Variants in HECW1 observed in about 807,000 individuals in gnomAD.
HECW1 encodes the protein E3 ubiquitin-protein ligase HECW1.
In HECW1, 61 loss-of-function variants were observed where a neutral mutation model predicts 182.3. The ratio of observed to expected loss-of-function variants is 0.33; its 90% CI spans 0.27 to 0.41. The LOEUF is 0.41. Ranked by LOEUF, HECW1 falls within the 10% of genes least tolerant of loss-of-function variation. HECW1 has a pLI of 1.00. For missense variants in HECW1, 1,739 were observed against 2,108.9 expected (o/e 0.82, Z 3.44); for synonymous variants, 859 against 832.6 (o/e 1.03, Z -0.55).
At position 43,456,323 on chromosome 7, in the gene HECW1, G is replaced by A. The variant is rs771575386; in HGVS notation, c.2527G>A (p.Gly843Arg). The change falls in exon 13 of 30, where the codon GGG (glycine) becomes AGG (arginine). Residue 843 changes from glycine (G) to arginine (R), a missense_variant. By Grantham distance (125) the Gly-to-Arg change is moderately radical (BLOSUM62 -2). Transcript: ENST00000395891. ...PNWEARIDSH[G>R]RVFYVDHVNR... is the part of the protein sequence containing the mutation. ...CTGGGAAGCTCGAATTGACAGCCAC[G>A]GGCGGGTCTTTTATGTGGACCACGT... 2.5e-5 allele frequency: 41 copies of A among 1,613,062 alleles called. No individual in the cohort carries two copies. Among genetic ancestry groups the A allele is most frequent in the Admixed American group, 1.7e-4 (10 of 59,910 alleles).
At position 43,563,186 on chromosome 7, in the gene HECW1, G is replaced by A. The variant is rs954684019; in HGVS notation, c.*1260G>A. ...GGGGCAGAAACATAACACCCCAAAG[G>A]CACGTTGATTTGTATCAAAATAAAT... On this transcript the variant is annotated 3_prime_UTR_variant, in exon 30 of 30. Coordinates refer to ENST00000395891, the MANE Select transcript of HECW1 (RefSeq NM_015052.5). 4 of 203,350 alleles carry A rather than the reference G, an allele frequency of 2.0e-5. No homozygotes were observed. The highest frequency in any genetic ancestry group is 3.0e-5 in the Non-Finnish European group (3 of 98,864). 12.6% of individuals were successfully genotyped at this position (203,350 alleles called of 1,614,324 possible). A position where few individuals can be genotyped will look rare whatever the true frequency, so the allele number is the denominator to read the frequency against.
Position 43,444,528 on chromosome 7 carries a change from C to A in HECW1, c.1356C>A (p.Ala452=), listed in dbSNP as rs572745455. The A allele has an allele frequency of 5.6e-6, 9 of 1,611,448 alleles. No individual in the cohort carries two copies. The East Asian group carries it at 1.1e-4, about 20-fold the overall frequency. ...LAQVQKDIQP[A]PSAEELAEQL... is the part of the protein sequence containing the mutation. The stretch of plus-strand genomic sequence containing the variant: ...AGGTGCAAAAGGACATCCAGCCTGC[C>A]CCCAGTGCAGAAGAGCTGGCCGAGC... The change falls in exon 11 of 30, where the codon GCC becomes GCA. Residue 452 remains alanine, a synonymous_variant. Transcript: ENST00000395891. This position sits in a 1 kb window ranked among gnomAD's most constrained non-coding sequence, Gnocchi z 4.3.
chr7:43,511,895 T>TGGGTGCTGTG, intron 24 of HECW1: 1 of 186,194 alleles, frequency 5.4e-6, no homozygotes, highest in Non-Finnish European at 1.1e-5. Flanking sequence ...TGGCAGTGTG[T>TGGGTGCTGTG]GGGTGCTGTG....
intron 3 of HECW1, among the ~76,000 whole-genome samples, chr7:43,307,460 A>G (rs554893346): frequency 8.5e-5 from 13 of 152,284 alleles, no homozygotes; most frequent in African/African-American, 2.2e-4. Context: ...GGAAAGAGAA[A>G]GGAGGTCTCC....
intron 2 of HECW1, among the ~76,000 whole-genome samples, chr7:43,156,084 T>C (rs1789850977): frequency 6.6e-6 from 1 of 152,206 alleles, no homozygotes; most frequent in African/African-American, 2.4e-5. Context: ...ATTCTACCAA[T>C]TCTAAACTGT....
intron 2 of HECW1, among the ~76,000 whole-genome samples, chr7:43,226,473 T>A (rs1365985048): frequency 6.6e-6 from 1 of 152,188 alleles, no homozygotes; most frequent in African/African-American, 2.4e-5. Context: ...TACTAATAAT[T>A]CACTGTCTAA....
At chr7:43,268,805 T>C (rs1802067084) in intron 3 of HECW1, among the ~76,000 whole-genome samples, 2 of 152,154 alleles carry the variant, frequency 1.3e-5, no homozygotes, top group African/African-American at 4.8e-5. Context: ...AAGATCTTGC[T>C]CTGTCACCCA....
intron 3 of HECW1, among the ~76,000 whole-genome samples, chr7:43,302,638 C>T (rs966199108): frequency 6.6e-6 from 1 of 152,202 alleles, no homozygotes; most frequent in Non-Finnish European, 1.5e-5. Context: ...ATGTGGCTGG[C>T]TCACAGCAGC....
At chr7:43,230,131 G>A (rs186381145) in intron 2 of HECW1, among the ~76,000 whole-genome samples, 57 of 152,344 alleles carry the variant, frequency 3.7e-4, no homozygotes, top group Admixed American at 1.3e-3. Flanking sequence ...AGTGGCTCAC[G>A]CCTGTAATCC....
chr7:43,291,569 AC>A (rs1435709331), intron 3 of HECW1, among the ~76,000 whole-genome samples: 1 of 152,230 alleles, frequency 6.6e-6, no homozygotes, highest in Non-Finnish European at 1.5e-5. Context: ...AGTTATTAGC[AC>A]AAAGCAAGGA....
chr7:43,371,602 A>G (rs2074105495), intron 6 of HECW1, among the ~76,000 whole-genome samples: 1 of 152,100 alleles, frequency 6.6e-6, no homozygotes, highest in Non-Finnish European at 1.5e-5. Context: ...AGTTTAGCAA[A>G]ATTTATCAAA....
At position 43,508,064 on chromosome 7, in the gene HECW1, G is replaced by A. The variant is rs2079665327; in HGVS notation, c.3799G>A (p.Val1267Met). Residue 1267 changes from valine to methionine, a missense_variant, in exon 23 of 30, where the codon GTG (valine) becomes ATG (methionine). Val to Met is a conservative substitution (Grantham distance 21). Coordinates refer to ENST00000395891, the MANE Select transcript of HECW1 (RefSeq NM_015052.5). ...TTTGTTGGAGGGAACCTTCAATCAG[G>A]TGATGGCCTATTCGCGGAAAGAGCT... The part of the protein sequence containing the change: ...DHLLEGTFNQ[V>M]MAYSRKELQR... 1.9e-6 allele frequency: 3 copies of A among 1,613,974 alleles called. No homozygotes were observed. Among genetic ancestry groups the A allele is most frequent in the African/African-American group, 1.3e-5 (1 of 74,918 alleles).
chr7:43,552,880 A>G (rs980157583), intron 28 of HECW1, among the ~76,000 whole-genome samples: 1 of 152,150 alleles, frequency 6.6e-6, no homozygotes, highest in Non-Finnish European at 1.5e-5. Context: ...TCCAACTCCC[A>G]ACCTGAACTT....
At chr7:43,236,976 A>G (rs945860944) in intron 2 of HECW1, among the ~76,000 whole-genome samples, 5 of 151,994 alleles carry the variant, frequency 3.3e-5, no homozygotes, top group East Asian at 1.9e-4. Context: ...TCCTTTCACA[A>G]TAGTAAATGA....
chr7:43,332,880 T>C (rs908232564), intron 5 of HECW1, among the ~76,000 whole-genome samples: 2 of 152,216 alleles, frequency 1.3e-5, no homozygotes, highest in Non-Finnish European at 2.9e-5. Flanking sequence ...GCAGATATTT[T>C]TATTTTTCCT....
intron 17 of HECW1, among the ~76,000 whole-genome samples, chr7:43,482,087 G>T (rs556719071): frequency 1.3e-5 from 2 of 151,514 alleles, no homozygotes; most frequent in African/African-American, 4.9e-5. Context: ...CTGACTGTTC[G>T]TCACATTTCC....
intron 2 of HECW1, among the ~76,000 whole-genome samples, chr7:43,234,107 A>T (rs1798103652): frequency 6.6e-6 from 1 of 152,204 alleles, no homozygotes; most frequent in South Asian, 2.1e-4. Context: ...AGACTTTACA[A>T]ATTACATGCA....
intron 2 of HECW1, among the ~76,000 whole-genome samples, chr7:43,135,295 G>A (rs1787403711): frequency 6.6e-6 from 1 of 152,020 alleles, no homozygotes; most frequent in African/African-American, 2.4e-5. Flanking sequence ...GCTCTTTAAG[G>A]GGAGATGACT....
At chr7:43,224,231 A>G (rs1344482668) in intron 2 of HECW1, among the ~76,000 whole-genome samples, 1 of 152,212 alleles carries the variant, frequency 6.6e-6, no homozygotes, top group African/African-American at 2.4e-5. Flanking sequence ...TTAATGTAAA[A>G]CATCATGCAT....
Sources: allele counts gnomAD v4.1 joint callset (sites outside exome capture counted in the v4.1 genomes callset), GRCh38; gene constraint gnomAD v4.1.1; non-coding constraint Gnocchi (gnomAD v3.1); transcripts MANE v1.5; gene names NCBI Gene and HGNC (gene_info 2026-07-23, HGNC 2026-07-21).